The following CTNNA1 variants were observed in gnomAD, a reference collection of about 807,000 sequenced individuals.
The protein encoded by CTNNA1 is catenin alpha 1.
In CTNNA1, 37 loss-of-function variants were observed where a neutral mutation model predicts 98.4. The observed-to-expected ratio is 0.38, with a 90% CI of 0.29 to 0.49. The LOEUF (loss-of-function observed/expected upper bound fraction) is 0.49. Ranked by LOEUF, CTNNA1 falls within the 20% of genes least tolerant of loss-of-function variation. CTNNA1 has a pLI of 0.95. For missense variants in CTNNA1, 761 were observed against 1,147.2 expected (o/e 0.66, Z 4.86); for synonymous variants, 404 against 413.2 (o/e 0.98, Z 0.27).
intron 7 of CTNNA1, among the ~76,000 whole-genome samples, chr5:138,865,969 A>G (rs921301531): frequency 5.5e-4 from 84 of 152,312 alleles, no homozygotes; most frequent in African/African-American, 1.8e-3. Context: ...TCATCACAAG[A>G]GGAAATTTTT....
At chr5:138,806,511 A>G (rs2149717562) in intron 3 of CTNNA1, among the ~76,000 whole-genome samples, 1 of 152,122 alleles carries the variant, frequency 6.6e-6, no homozygotes, top group South Asian at 2.1e-4. Flanking sequence ...TTTGTAATTT[A>G]CTACTACTCT....
chr5:138,922,802 G>A (rs1469307848), intron 11 of CTNNA1, among the ~76,000 whole-genome samples: 1 of 152,032 alleles, frequency 6.6e-6, no homozygotes, highest in Non-Finnish European at 1.5e-5. Flanking sequence ...TGTTTCATGA[G>A]GGTAGAGAAT....
chr5:138,873,788 A>C lies in CTNNA1; in HGVS notation c.1063-12424A>C. 6.2e-7 allele frequency: 1 copy of C among 1,614,022 alleles called. No homozygotes were observed. The highest frequency in any genetic ancestry group is 1.1e-5 in the South Asian group (1 of 91,072). ...TTTGATTTCATTTCCAGTCAGGTCT[A>C]GCTTTTCTAAAGTGCCCCAGGTCCA... is the stretch of plus-strand genomic sequence containing the variant. On this transcript the variant is annotated intron_variant, in intron 7 of 17. Transcript: ENST00000302763. The surrounding 1 kb of genome is among the most constrained non-coding windows in gnomAD (Gnocchi z 6.1).
chr5:138,772,956 A>G lies in CTNNA1; in HGVS notation c.-2-8967A>G, dbSNP rs528227221. Among the ~76,000 whole-genome samples the G allele has an allele frequency of 3.3e-5, 5 of 151,834 alleles. No homozygotes were observed. In the South Asian group the frequency reaches 6.3e-4, roughly 19 times the overall value. Reference sequence around the variant, plus strand: ...GGACTAGAAGGATTTGGAGTATAGAATTCAACTTCTTTCATTTTATAGATG... The same window carrying G: ...GGACTAGAAGGATTTGGAGTATAGAGTTCAACTTCTTTCATTTTATAGATG... On this transcript the variant is annotated intron_variant, in intron 1 of 17. Transcript: ENST00000302763.
chr5:138,795,798 C>T (rs553371249), intron 3 of CTNNA1, among the ~76,000 whole-genome samples: 6 of 151,390 alleles, frequency 4.0e-5, no homozygotes, highest in South Asian at 2.1e-4. Flanking sequence ...GAATTAAAAA[C>T]GGTTTTAAAA....
intron 4 of CTNNA1, 119 bp downstream of exon 4, chr5:138,810,323 A>T (rs945315479): frequency 4.7e-6 from 5 of 1,057,510 alleles, no homozygotes; most frequent in Non-Finnish European, 6.9e-6. Context: ...ATCTCAATGG[A>T]CCAGAGATGT....
At chr5:138,917,117 G>GT (rs1270572591) in intron 10 of CTNNA1, among the ~76,000 whole-genome samples, 1 of 152,196 alleles carries the variant, frequency 6.6e-6, no homozygotes, top group African/African-American at 2.4e-5. Context: ...TTTTTGAGCA[G>GT]TTTTTTGTTT....
chr5:138,932,933 C>T lies in CTNNA1; in HGVS notation c.2433+221C>T, dbSNP rs775300062. The T allele has an allele frequency of 3.8e-6, 3 of 782,820 alleles. No homozygotes were observed. In the South Asian group the frequency reaches 4.0e-5, roughly 10 times the overall value. The allele number at this position is 782,820 out of a possible 1,614,324, so 48.5% of individuals were successfully genotyped here. On this transcript the variant is annotated intron_variant, in intron 17 of 17. Coordinates refer to ENST00000302763, the MANE Select transcript of CTNNA1 (RefSeq NM_001903.5). ...ACTGCAAGGGCTGAAAGGCTGGCCTCCTCCCCTTTGCTGGCCACTCACTGG... is the reference window on the plus strand; with the variant it reads ...ACTGCAAGGGCTGAAAGGCTGGCCTTCTCCCCTTTGCTGGCCACTCACTGG...
chr5:138,874,871 T>A lies in CTNNA1; in HGVS notation c.1063-11341T>A, dbSNP rs1331776368. 1.3e-6 allele frequency: 2 copies of A among 1,580,342 alleles called. No individual in the cohort carries two copies. Among genetic ancestry groups the A allele is most frequent in the African/African-American group, 2.7e-5 (2 of 73,672 alleles). On this transcript the variant is annotated intron_variant, in intron 7 of 17. Transcript: ENST00000302763. This position sits in a 1 kb window ranked among gnomAD's most constrained non-coding sequence, Gnocchi z 4.1. ...AGCTTATTTTAAAAGCGTGATTCCTTGTTGAATGTACAAGACATATAAATG... is the reference window on the plus strand; with the variant it reads ...AGCTTATTTTAAAAGCGTGATTCCTAGTTGAATGTACAAGACATATAAATG...
rs1322817268 is a variant in CTNNA1 at position 138,874,008 on chromosome 5, A to G, written c.1063-12204A>G. On this transcript the variant is annotated intron_variant, in intron 7 of 17. Transcript: ENST00000302763. This position sits in a 1 kb window ranked among gnomAD's most constrained non-coding sequence, Gnocchi z 4.1. ...AAACGATTTGTGCTCAAATCCAGAA[A>G]CTCCAGACTACGACAGTCCCAGAAC... The G allele has an allele frequency of 1.2e-6, 2 of 1,613,688 alleles. No homozygotes were observed. The highest frequency in any genetic ancestry group is 1.7e-6 in the Non-Finnish European group (2 of 1,179,882).
intron 7 of CTNNA1, among the ~76,000 whole-genome samples, chr5:138,878,908 C>G (rs2149974736): frequency 1.3e-5 from 2 of 152,150 alleles, no homozygotes; most frequent in East Asian, 3.9e-4. Flanking sequence ...CAGTCTCAAT[C>G]CCTGCTTTTA....
Position 138,925,308 on chromosome 5 carries a change from G to A in CTNNA1, c.1800G>A (p.Ser600=), listed in dbSNP as rs767250173. The A allele has an allele frequency of 6.2e-6, 10 of 1,613,984 alleles. No individual in the cohort carries two copies. Among genetic ancestry groups the A allele is most frequent in the South Asian group, 2.2e-5 (2 of 91,084 alleles). ...QVEAAVEALS[S]DPAQPMDENE... is the part of the protein sequence containing the mutation. The stretch of plus-strand genomic sequence containing the variant: ...AAGCAGCCGTGGAAGCCCTCAGCTC[G>A]GACCCTGCCCAGCCCATGGATGAGA... Residue 600 remains serine (S), a synonymous_variant, in exon 13 of 18, where the codon TCG becomes TCA. Transcript: ENST00000302763.
At chr5:138,758,102 G>A (rs1399669747) in intron 1 of CTNNA1, among the ~76,000 whole-genome samples, 1 of 152,020 alleles carries the variant, frequency 6.6e-6, no homozygotes, top group Non-Finnish European at 1.5e-5. Context: ...TGTCTCCTGG[G>A]TTCAAGTGAT....
At chr5:138,793,253 C>T (rs1167455582) in intron 3 of CTNNA1, among the ~76,000 whole-genome samples, 7 of 152,218 alleles carry the variant, frequency 4.6e-5, no homozygotes, top group African/African-American at 1.7e-4. Context: ...AAGTTGTCTG[C>T]CTGACTTAAA....
At position 138,853,489 on chromosome 5, in the gene CTNNA1, T is replaced by C. The variant is rs189841094; in HGVS notation, c.1062+25771T>C. Among the ~76,000 whole-genome samples, 516 of 151,018 alleles carry C rather than the reference T, an allele frequency of 3.4e-3. 1 individual carries two copies. Among genetic ancestry groups the C allele is most frequent in the Middle Eastern group, 0.014 (4 of 294 alleles). The stretch of plus-strand genomic sequence containing the variant: ...TAATCCTTCCTAGCCAGCGGAAGTA[T>C]ATACTTAAAAAAAAAAAAAGTATTG... On this transcript the variant is annotated intron_variant, in intron 7 of 17. Coordinates refer to ENST00000302763, the MANE Select transcript of CTNNA1 (RefSeq NM_001903.5).
At chr5:138,811,361 C>T (rs1209124935) in intron 4 of CTNNA1, among the ~76,000 whole-genome samples, 8 of 129,476 alleles carry the variant, frequency 6.2e-5, no homozygotes, top group Admixed American at 7.8e-5. Context: ...GGTGGGATGG[C>T]GGCCGGGAAG....
chr5:138,771,467 G>T (rs1753546765), intron 1 of CTNNA1, among the ~76,000 whole-genome samples: 1 of 152,042 alleles, frequency 6.6e-6, no homozygotes, highest in Admixed American at 6.6e-5. Flanking sequence ...CTGCAGCCTT[G>T]ACCTCTTGGG....
At chr5:138,899,918 C>T (rs1168613372) in intron 9 of CTNNA1, among the ~76,000 whole-genome samples, 1 of 152,196 alleles carries the variant, frequency 6.6e-6, no homozygotes, top group African/African-American at 2.4e-5. Flanking sequence ...CCCATCACCA[C>T]AATCTAGTTG....
At chr5:138,755,384 T>C (rs1435902236) in intron 1 of CTNNA1, among the ~76,000 whole-genome samples, 1 of 152,168 alleles carries the variant, frequency 6.6e-6, no homozygotes, top group Non-Finnish European at 1.5e-5. Context: ...TAAAAGGGCA[T>C]AGGAGTTTGG....
Sources: allele counts gnomAD v4.1 joint callset (sites outside exome capture counted in the v4.1 genomes callset), GRCh38; gene constraint gnomAD v4.1.1; non-coding constraint Gnocchi (gnomAD v3.1); transcripts MANE v1.5; gene names NCBI Gene and HGNC (gene_info 2026-07-23, HGNC 2026-07-21).